Variants in SCN2B observed in about 807,000 individuals in gnomAD.
The protein encoded by SCN2B is sodium voltage-gated channel beta subunit 2.
Under a neutral mutation model 18.2 loss-of-function variants are expected in SCN2B, and 14 were observed. The ratio of observed to expected loss-of-function variants is 0.77; its 90% CI spans 0.51 to 1.21. The LOEUF (loss-of-function observed/expected upper bound fraction) is 1.21. SCN2B is among the 50% of genes most tolerant of loss of function. The pLI is 0.00. For synonymous variants in SCN2B, 115 were observed against 115.3 expected (o/e 1.00, Z 0.02); for missense variants, 262 against 286.9 (o/e 0.91, Z 0.63).
intron 1 of SCN2B, among the ~76,000 whole-genome samples, chr11:118,175,076 T>A (rs1012346881): frequency 4.9e-4 from 74 of 152,320 alleles, no homozygotes; most frequent in African/African-American, 1.7e-3. Flanking sequence ...AACCTGAGTA[T>A]AATAGAATCT....
chr11:118,171,221 G>T (rs1168897011), intron 1 of SCN2B, among the ~76,000 whole-genome samples: 1 of 152,204 alleles, frequency 6.6e-6, no homozygotes, highest in East Asian at 1.9e-4. Flanking sequence ...CCAGGGCCGA[G>T]GATTCCAGGT....
At chr11:118,169,860 G>T (rs2135518923) in intron 1 of SCN2B, among the ~76,000 whole-genome samples, 1 of 152,216 alleles carries the variant, frequency 6.6e-6, no homozygotes, top group South Asian at 2.1e-4. Flanking sequence ...GGCGAGCGAG[G>T]GGCCTGGGGC....
rs537197506 is a variant in SCN2B at position 118,172,409 on chromosome 11, C to T, written c.71-3658G>A. ...AAGCTAGAATCTGAAGCCAGCCTGC[C>T]TGGCTCCAGACTGGGTTGAGGCATT... On this transcript the variant is annotated intron_variant, in intron 1 of 3. Transcript: ENST00000278947. Among the ~76,000 whole-genome samples the T allele has an allele frequency of 7.6e-4, 116 of 152,394 alleles. No homozygotes were observed. In the Middle Eastern group the frequency reaches 0.01, roughly 13 times the overall value.
chr11:118,176,300 T>G, intron 1 of SCN2B, 62 bp downstream of exon 1: 2 of 1,417,838 alleles, frequency 1.4e-6, no homozygotes, highest in Non-Finnish European at 2.0e-6. Flanking sequence ...CCTGCCCCCA[T>G]CCTCTTCACA....
At chr11:118,175,576 G>C (rs1290799728) in intron 1 of SCN2B, among the ~76,000 whole-genome samples, 7 of 152,192 alleles carry the variant, frequency 4.6e-5, no homozygotes, top group Admixed American at 4.6e-4. Flanking sequence ...TAACTTTCTA[G>C]CCCACTTCCC....
intron 1 of SCN2B, among the ~76,000 whole-genome samples, chr11:118,175,604 G>A (rs1312914739): frequency 1.3e-5 from 2 of 152,206 alleles, no homozygotes; most frequent in Non-Finnish European, 2.9e-5. Flanking sequence ...AAGTCTCTGA[G>A]TGGTCAAATA....
intron 1 of SCN2B, among the ~76,000 whole-genome samples, chr11:118,175,043 A>G (rs902345662): frequency 3.3e-5 from 5 of 152,216 alleles, no homozygotes; most frequent in Admixed American, 6.5e-5. Context: ...TCCCGTTACC[A>G]TAGTCATCTG....
chr11:118,174,091 C>CTTTTTT (rs1162918445), intron 1 of SCN2B, among the ~76,000 whole-genome samples: 723 of 66,656 alleles, frequency 0.011, 31 homozygotes, highest in African/African-American at 0.022. Context: ...TTTTTCTTTT[C>CTTTTTT]TTTTTTTTTT....
In SCN2B at chr11:118,167,048, C is replaced by CCACAAT; in HGVS notation, c.481_486dup (p.Ile161_Val162dup). On this transcript the variant is annotated inframe_insertion, in exon 4 of 4. Coordinates refer to ENST00000278947, the MANE Select transcript of SCN2B (RefSeq NM_004588.5). ...GCCAGGAAGCCCCCGACGGAGGCAC[C>CCACAAT]CACAATCACGGCCACCGTGGAGTCC... The CCACAAT allele has an allele frequency of 1.2e-6, 2 of 1,613,548 alleles. No individual in the cohort carries two copies. Among genetic ancestry groups the CCACAAT allele is most frequent in the Non-Finnish European group, 1.7e-6 (2 of 1,180,044 alleles).
chr11:118,171,167 G>T (rs906275583), intron 1 of SCN2B, among the ~76,000 whole-genome samples: 2 of 152,178 alleles, frequency 1.3e-5, no homozygotes, highest in African/African-American at 4.8e-5. Flanking sequence ...TGTTCTCCAA[G>T]CTGGGAGACA....
intron 1 of SCN2B, among the ~76,000 whole-genome samples, chr11:118,175,606 G>T (rs2134622976): frequency 6.6e-6 from 1 of 152,304 alleles, no homozygotes; most frequent in Admixed American, 6.5e-5. Context: ...GTCTCTGAGT[G>T]GTCAAATACA....
At chr11:118,167,799 T>C (rs753411681) in intron 3 of SCN2B, among the ~76,000 whole-genome samples, 5 of 152,154 alleles carry the variant, frequency 3.3e-5, no homozygotes, top group African/African-American at 4.8e-5. Flanking sequence ...TCAAGCTATC[T>C]GCCTGCCTCA....
Position 118,166,578 on chromosome 11 carries a change from C to A in SCN2B, c.*309G>T. ...CGGCCCCCTCCTCTACCCCTGCCCA[C>A]CCACTCCCTTCTCTCTGGGGACCCT... On this transcript the variant is annotated 3_prime_UTR_variant, in exon 4 of 4. Coordinates refer to ENST00000278947, the MANE Select transcript of SCN2B (RefSeq NM_004588.5). 2.2e-6 allele frequency: 1 copy of A among 450,594 alleles called. No homozygotes were observed. The highest frequency in any genetic ancestry group is 4.1e-6 in the Non-Finnish European group (1 of 241,992). 27.9% of individuals were successfully genotyped at this position (450,594 alleles called of 1,614,324 possible).
In SCN2B at chr11:118,164,228, C is replaced by T. The variant is rs143463066; in HGVS notation, c.*2659G>A. 162 of 152,582 alleles carry T rather than the reference C, an allele frequency of 1.1e-3. No homozygotes were observed. The highest frequency in any genetic ancestry group is 5.6e-3 in the South Asian group (27 of 4,826). 9.5% of individuals were successfully genotyped at this position (152,582 alleles called of 1,614,324 possible). A position where few individuals can be genotyped will look rare whatever the true frequency, so the allele number is the denominator to read the frequency against. On this transcript the variant is annotated 3_prime_UTR_variant, in exon 4 of 4. Coordinates refer to ENST00000278947, the MANE Select transcript of SCN2B (RefSeq NM_004588.5). ...TAAGTTCCCAACATCAGCACAGCTCCTCACTCATCCTGGGAGAGAAGGACA... is the reference window on the plus strand; with the variant it reads ...TAAGTTCCCAACATCAGCACAGCTCTTCACTCATCCTGGGAGAGAAGGACA...
At chr11:118,174,416 T>A (rs1290910633) in intron 1 of SCN2B, among the ~76,000 whole-genome samples, 2 of 152,060 alleles carry the variant, frequency 1.3e-5, no homozygotes, top group African/African-American at 4.8e-5. Context: ...CCACCTGCCC[T>A]TTCTCTTTGC....
chr11:118,166,559 C>T lies in SCN2B; in HGVS notation c.*328G>A, dbSNP rs1340444124. On this transcript the variant is annotated 3_prime_UTR_variant, in exon 4 of 4. Coordinates refer to ENST00000278947, the MANE Select transcript of SCN2B (RefSeq NM_004588.5). ...GCACTGGGCAGGTGGACAGCGGCCCCCTCCTCTACCCCTGCCCACCCACTC... is the reference window on the plus strand; with the variant it reads ...GCACTGGGCAGGTGGACAGCGGCCCTCTCCTCTACCCCTGCCCACCCACTC... The T allele has an allele frequency of 7.3e-6, 3 of 413,528 alleles. No homozygotes were observed. Among genetic ancestry groups the T allele is most frequent in the Non-Finnish European group, 1.4e-5 (3 of 219,344 alleles). The allele number at this position is 413,528 out of a possible 1,614,324, so 25.6% of individuals were successfully genotyped here. A position where few individuals can be genotyped will look rare whatever the true frequency, so the allele number is the denominator to read the frequency against.
Position 118,176,418 on chromosome 11 carries a change from G to C in SCN2B, c.14C>G (p.Ala5Gly). Residue 5 changes from alanine to glycine, a missense_variant, in exon 1 of 4, where the codon GCC (alanine) becomes GGC (glycine). Physicochemically the swap from Ala to Gly is moderately conservative, Grantham distance 60. Coordinates refer to ENST00000278947, the MANE Select transcript of SCN2B (RefSeq NM_004588.5). ...GCTGAAGGCAGGGCGAGGTAGCCAG[G>C]CATCTCTGTGCATTTTCAGAGACTG... MHRD[A>G]WLPRPAFSLT... 1 of 1,614,060 alleles carries C rather than the reference G, an allele frequency of 6.2e-7. No individual in the cohort carries two copies. The highest frequency in any genetic ancestry group is 8.5e-7 in the Non-Finnish European group (1 of 1,179,966).
Position 118,166,583 on chromosome 11 carries a change from T to A in SCN2B, c.*304A>T. 2.3e-6 allele frequency: 1 copy of A among 444,362 alleles called. No individual in the cohort carries two copies. The highest frequency in any genetic ancestry group is 4.2e-6 in the Non-Finnish European group (1 of 237,964). The allele number at this position is 444,362 out of a possible 1,614,324, so 27.5% of individuals were successfully genotyped here. On this transcript the variant is annotated 3_prime_UTR_variant, in exon 4 of 4. Coordinates refer to ENST00000278947, the MANE Select transcript of SCN2B (RefSeq NM_004588.5). ...CCCTCCTCTACCCCTGCCCACCCAC[T>A]CCCTTCTCTCTGGGGACCCTCACAT...
At position 118,168,542 on chromosome 11, in the gene SCN2B, C is replaced by A; in HGVS notation, c.237+43G>T. On this transcript the variant is annotated intron_variant, in intron 2 of 3. Transcript: ENST00000278947. The surrounding 1 kb of genome is among the most constrained non-coding windows in gnomAD (Gnocchi z 4.7). ...GGACCAGGGGCTTCATGCCATGGGG[C>A]TCCTACCTCCTCCCCTGCCCCTGCC... 1.2e-6 allele frequency: 2 copies of A among 1,612,686 alleles called. No homozygotes were observed. The highest frequency in any genetic ancestry group is 1.1e-5 in the South Asian group (1 of 90,892).
Sources: gnomAD v4.1 joint callset for allele counts (sites outside exome capture counted in the v4.1 genomes callset) on GRCh38, gnomAD v4.1.1 for gene constraint, Gnocchi (gnomAD v3.1) non-coding constraint, MANE v1.5 for transcripts, NCBI Gene and HGNC (gene_info 2026-07-23, HGNC 2026-07-21) for gene names.